CDH2: variants seen among roughly 807,000 people sequenced by gnomAD.
CDH2 encodes the protein cadherin 2, also known as cadherin-2.
Under a neutral mutation model 92.0 loss-of-function variants are expected in CDH2, and 17 were observed. The observed-to-expected ratio is 0.18, with a 90% CI of 0.13 to 0.28. The LOEUF is 0.28. Among genes scored for constraint, CDH2 ranks in the 10% least tolerant of loss-of-function variants. The pLI is 1.00. For missense variants in CDH2, 862 were observed against 1,133.1 expected (o/e 0.76, Z 3.44); for synonymous variants, 419 against 415.9 (o/e 1.01, Z -0.09).
Position 28,003,012 on chromosome 18 carries a change from A to T in CDH2, c.1005T>A (p.Ala335=), listed in dbSNP as rs1306675482. The T allele has an allele frequency of 6.2e-7, 1 of 1,613,900 alleles. No individual in the cohort carries two copies. ...GTTGGCTTACTTCTCGATCAAGTCC[A>T]GCTGCCACTGTGATGATGTCACCAG... is the stretch of plus-strand genomic sequence containing the variant. The part of the protein sequence containing the change: ...NETGDIITVA[A]GLDREKVQQY... Residue 335 remains alanine, a synonymous_variant, in exon 7 of 16, where the codon GCT becomes GCA. Coordinates refer to ENST00000269141, the MANE Select transcript of CDH2 (RefSeq NM_001792.5).
chr18:28,011,824 A>C (rs201277736), intron 4 of CDH2, 22 bp downstream of exon 4: 1 of 1,609,370 alleles, frequency 6.2e-7, no homozygotes, highest in Non-Finnish European at 8.5e-7. Flanking sequence ...GTATGAAAAC[A>C]GTTAAAATTG....
chr18:28,127,608 T>C (rs961993415), intron 2 of CDH2, among the ~76,000 whole-genome samples: 2 of 152,186 alleles, frequency 1.3e-5, no homozygotes, highest in African/African-American at 4.8e-5. Flanking sequence ...CCAAGGCTGA[T>C]TACAATATAG....
intron 1 of CDH2, among the ~76,000 whole-genome samples, chr18:28,148,712 C>G (rs1184457071): frequency 5.3e-5 from 8 of 152,220 alleles, no homozygotes; most frequent in African/African-American, 1.9e-4. Context: ...AGGGACAGTC[C>G]ACCCTAGTGA....
At chr18:27,997,706 G>A (rs1469170638) in intron 7 of CDH2, among the ~76,000 whole-genome samples, 2 of 152,236 alleles carry the variant, frequency 1.3e-5, no homozygotes, top group Non-Finnish European at 2.9e-5. Flanking sequence ...CGGGTTTCAG[G>A]AGATGACAGA....
intron 7 of CDH2, among the ~76,000 whole-genome samples, chr18:27,996,462 T>TTCTCAG (rs2012585488): frequency 1.3e-5 from 2 of 152,122 alleles, no homozygotes; most frequent in Non-Finnish European, 2.9e-5. Context: ...AGAATACCAT[T>TTCTCAG]CCCTTCATTC....
At chr18:28,095,193 C>T (rs1043225049) in intron 2 of CDH2, among the ~76,000 whole-genome samples, 3 of 151,932 alleles carry the variant, frequency 2.0e-5, no homozygotes, top group African/African-American at 4.8e-5. Flanking sequence ...AATAAAGCTT[C>T]GGAGAGTATT....
At chr18:28,071,793 C>CTTCTAA (rs2014622787) in intron 2 of CDH2, among the ~76,000 whole-genome samples, 1 of 152,098 alleles carries the variant, frequency 6.6e-6, no homozygotes, top group South Asian at 2.1e-4. Flanking sequence ...TTCGAGCTTC[C>CTTCTAA]TTCTAACCCA....
intron 2 of CDH2, among the ~76,000 whole-genome samples, chr18:28,102,653 T>C (rs573745274): frequency 2.0e-5 from 3 of 152,162 alleles, no homozygotes; most frequent in Admixed American, 6.6e-5. Context: ...AGCCACTTAA[T>C]GTAAATTAAA....
intron 2 of CDH2, among the ~76,000 whole-genome samples, chr18:28,133,439 CG>C (rs1464464104): frequency 6.6e-6 from 1 of 151,558 alleles, no homozygotes; most frequent in East Asian, 2.0e-4. Context: ...AAAAATTAGC[CG>C]GGTGTGGTGT....
rs1567933028 is a variant in CDH2 at position 27,952,102 on chromosome 18, T to TATCA, written c.*47_*50dup. 1 of 1,439,052 alleles carries TATCA rather than the reference T, an allele frequency of 6.9e-7. No homozygotes were observed. The highest frequency in any genetic ancestry group is 1.1e-5 in the South Asian group (1 of 87,562). 89.1% of individuals were successfully genotyped at this position (1,439,052 alleles called of 1,614,324 possible). A position where few individuals can be genotyped will look rare whatever the true frequency, so the allele number is the denominator to read the frequency against. ...CTAGCTTCTGAATGCTTTTTGGGAA[T>TATCA]ATCAGTTGAAATTGTTTGTACTTGT... On this transcript the variant is annotated 3_prime_UTR_variant, in exon 16 of 16. Coordinates refer to ENST00000269141, the MANE Select transcript of CDH2 (RefSeq NM_001792.5).
intron 2 of CDH2, among the ~76,000 whole-genome samples, chr18:28,120,354 C>T (rs996330915): frequency 1.3e-5 from 2 of 152,044 alleles, no homozygotes; most frequent in African/African-American, 4.8e-5. Context: ...ACTTCCTCAA[C>T]TTCCTCTCAA....
intron 9 of CDH2, among the ~76,000 whole-genome samples, chr18:27,991,674 A>G (rs867377382): frequency 2.6e-5 from 4 of 152,226 alleles, no homozygotes; most frequent in Non-Finnish European, 5.9e-5. Context: ...TCACACAGAT[A>G]TCAGGAGCAG....
chr18:28,127,538 T>C (rs896451969), intron 2 of CDH2, among the ~76,000 whole-genome samples: 2 of 152,208 alleles, frequency 1.3e-5, no homozygotes, highest in Admixed American at 6.5e-5. Context: ...AAGATTTTAT[T>C]TAATGTTCCT....
At chr18:28,074,521 C>T (rs2014681028) in intron 2 of CDH2, among the ~76,000 whole-genome samples, 1 of 152,072 alleles carries the variant, frequency 6.6e-6, no homozygotes, top group Admixed American at 6.6e-5. Flanking sequence ...GCTAGGATTA[C>T]AGGCATGAGC....
chr18:28,163,177 G>C (rs1018064330), intron 1 of CDH2, among the ~76,000 whole-genome samples: 1 of 152,182 alleles, frequency 6.6e-6, no homozygotes, highest in African/African-American at 2.4e-5. Context: ...AAGCCAAAAT[G>C]AGACATTATT....
At chr18:27,955,643 A>G (rs2011226269) in intron 15 of CDH2, among the ~76,000 whole-genome samples, 1 of 151,894 alleles carries the variant, frequency 6.6e-6, no homozygotes, top group Non-Finnish European at 1.5e-5. Context: ...GCTTGTGATA[A>G]TCAACTCCCA....
intron 2 of CDH2, among the ~76,000 whole-genome samples, chr18:28,139,522 A>G (rs548596151): frequency 6.6e-6 from 1 of 152,138 alleles, no homozygotes; most frequent in African/African-American, 2.4e-5. Flanking sequence ...AAGAGTTTTT[A>G]TCTAAAACAC....
intron 2 of CDH2, among the ~76,000 whole-genome samples, chr18:28,040,904 T>G (rs1216126723): frequency 6.6e-6 from 1 of 152,216 alleles, no homozygotes; most frequent in Non-Finnish European, 1.5e-5. Flanking sequence ...AATCTCATTT[T>G]ATCCTAAGAA....
intron 14 of CDH2, among the ~76,000 whole-genome samples, chr18:27,968,111 C>T (rs1383586155): frequency 6.6e-6 from 1 of 152,178 alleles, no homozygotes; most frequent in Admixed American, 6.5e-5. Flanking sequence ...AGCAAGCAAC[C>T]TTTATCTGGT....
Sources: allele counts gnomAD v4.1 joint callset (sites outside exome capture counted in the v4.1 genomes callset), GRCh38; gene constraint gnomAD v4.1.1; transcripts MANE v1.5; gene names NCBI Gene and HGNC (gene_info 2026-07-23, HGNC 2026-07-21).